NADK: variants seen among roughly 807,000 people sequenced by gnomAD.
NADK encodes poly(P)/ATP NAD kinase.
Under a neutral mutation model 49.8 loss-of-function variants are expected in NADK, and 22 were observed. That is an observed-to-expected ratio of 0.44 (90% CI 0.32 to 0.63). NADK has a LOEUF of 0.63. Ranked by LOEUF, NADK falls within the 30% of genes least tolerant of loss-of-function variation. The pLI is 0.06. For missense variants in NADK, 438 were observed against 609.4 expected, an observed-to-expected ratio of 0.72 and a Z score of 2.96; for synonymous variants, 268 against 253.7, an observed-to-expected ratio of 1.06 and a Z score of -0.54.
rs569799814 is a variant in NADK at position 1,760,077 on chromosome 1, C to T, written c.263+1875G>A. ...CTGTGCAGGGAAGGGATGGTGAGGC[C>T]GCGGCGAGTGGTCAGGAGTCCACAC... On this transcript the variant is annotated intron_variant, in intron 3 of 11. Transcript: ENST00000341426. 1.6e-3 allele frequency among the ~76,000 whole-genome samples: 237 copies of T among 152,272 alleles called. 1 individual carries two copies. The highest frequency in any genetic ancestry group is 2.8e-3 in the Non-Finnish European group (193 of 68,022).
intron 2 of NADK, among the ~76,000 whole-genome samples, chr1:1,764,847 G>A (rs914991541): frequency 1.3e-5 from 2 of 152,228 alleles, no homozygotes; most frequent in African/African-American, 2.4e-5. Flanking sequence ...GTTGCAGTGA[G>A]CCAAGATTGC....
chr1:1,754,002 C>G lies in NADK; in HGVS notation c.1101+49G>C. The G allele has an allele frequency of 6.5e-7, 1 of 1,528,240 alleles. No homozygotes were observed. The highest frequency in any genetic ancestry group is 8.8e-7 in the Non-Finnish European group (1 of 1,140,948). The allele number at this position is 1,528,240 out of a possible 1,614,324, so 94.7% of individuals were successfully genotyped here. ...TGCTAGGTCCCGGCTTTGTGTTGCA[C>G]GGGGTCAAATGACTCACAAACCGGA... On this transcript the variant is annotated intron_variant, in intron 10 of 11. Transcript: ENST00000341426. This position sits in a 1 kb window ranked among gnomAD's most constrained non-coding sequence, Gnocchi z 4.3.
intron 6 of NADK, 42 bp from the exon 7 acceptor site, chr1:1,755,518 A>AC: frequency 6.9e-7 from 1 of 1,455,576 alleles, no homozygotes; most frequent in Non-Finnish European, 9.6e-7. Context: ...CACGCCGTGC[A>AC]CCCCCGCACC....
chr1:1,767,177 G>C (rs1181965406), intron 1 of NADK, among the ~76,000 whole-genome samples: 2 of 151,842 alleles, frequency 1.3e-5, no homozygotes, highest in Non-Finnish European at 2.9e-5. Flanking sequence ...TCAGCATCCC[G>C]AAGTGCTGGG....
rs1352725227 is a variant in NADK at position 1,778,052 on chromosome 1, C to T, written c.-41+237G>A. ...CCCCACCTTCCCCGCCCGGGAGAGCCAGGCCGGACAGCGGCCTCCCTCAGA... is the reference window on the plus strand; with the variant it reads ...CCCCACCTTCCCCGCCCGGGAGAGCTAGGCCGGACAGCGGCCTCCCTCAGA... On this transcript the variant is annotated intron_variant, in intron 1 of 11. Transcript: ENST00000341426. This position sits in a 1 kb window ranked among gnomAD's most constrained non-coding sequence, Gnocchi z 4.9. Among the ~76,000 whole-genome samples the T allele has an allele frequency of 2.6e-5, 4 of 152,218 alleles. No homozygotes were observed. The highest frequency in any genetic ancestry group is 9.6e-5 in the African/African-American group (4 of 41,462).
At chr1:1,757,155 G>GCCCCCCTCCCCCCC in intron 4 of NADK, 26 bp downstream of exon 4, 1 of 1,299,248 alleles carries the variant, frequency 7.7e-7, no homozygotes, top group African/African-American at 1.5e-5. Flanking sequence ...TGCACCCCAG[G>GCCCCCCTCCCCCCC]CCCCCTTCCC....
Position 1,754,455 on chromosome 1 carries a change from C to T in NADK, c.844-72G>A. 6.2e-7 allele frequency: 1 copy of T among 1,606,974 alleles called. No homozygotes were observed. The highest frequency in any genetic ancestry group is 1.1e-5 in the South Asian group (1 of 90,710). On this transcript the variant is annotated intron_variant, in intron 8 of 11. Coordinates refer to ENST00000341426, the MANE Select transcript of NADK (RefSeq NM_023018.5). The surrounding 1 kb of genome is among the most constrained non-coding windows in gnomAD (Gnocchi z 4.3). ...GGCTCGCAGACACCCTCCGTCTCACCCAGCCGGGCTCTCCGGAAGGTCCTC... is the reference window on the plus strand; with the variant it reads ...GGCTCGCAGACACCCTCCGTCTCACTCAGCCGGGCTCTCCGGAAGGTCCTC...
chr1:1,754,025 G>T lies in NADK; in HGVS notation c.1101+26C>A. ...CACGGGGTCAAATGACTCACAAACC[G>T]GAAAAGGAGTGTCGTTGGCTCTGAC... On this transcript the variant is annotated intron_variant, in intron 10 of 11. Coordinates refer to ENST00000341426, the MANE Select transcript of NADK (RefSeq NM_023018.5). The surrounding 1 kb of genome is among the most constrained non-coding windows in gnomAD (Gnocchi z 4.3). 1 of 1,547,698 alleles carries T rather than the reference G, an allele frequency of 6.5e-7. No homozygotes were observed.
At position 1,754,467 on chromosome 1, in the gene NADK, T is replaced by C. The variant is rs935705002; in HGVS notation, c.843+77A>G. On this transcript the variant is annotated intron_variant, in intron 8 of 11. Transcript: ENST00000341426. This position sits in a 1 kb window ranked among gnomAD's most constrained non-coding sequence, Gnocchi z 4.3. ...CCCTCCGTCTCACCCAGCCGGGCTC[T>C]CCGGAAGGTCCTCATCCCTGGGACC... 1 of 1,604,300 alleles carries C rather than the reference T, an allele frequency of 6.2e-7. No homozygotes were observed. Among genetic ancestry groups the C allele is most frequent in the Non-Finnish European group, 8.5e-7 (1 of 1,173,592 alleles).
In NADK at chr1:1,754,729, A is replaced by G; in HGVS notation, c.689-31T>C. ...GTCCAGCAGGAGTCAGAGGGCATGC[A>G]TCAGGGAAGTCAGTGGGGTCAGGGG... On this transcript the variant is annotated intron_variant, in intron 7 of 11. Coordinates refer to ENST00000341426, the MANE Select transcript of NADK (RefSeq NM_023018.5). This position sits in a 1 kb window ranked among gnomAD's most constrained non-coding sequence, Gnocchi z 4.3. 6.3e-7 allele frequency: 1 copy of G among 1,587,596 alleles called. No individual in the cohort carries two copies.
rs763490238 is a variant in NADK, at chr1:1,754,213, CAG to C, written c.944-7_944-6del. ...TCGGGGTGGACACGATCACTCCTGACAGGGACAGGCGCAGGCGTCACTCCCGC... is the reference window on the plus strand; with the variant it reads ...TCGGGGTGGACACGATCACTCCTGACGGACAGGCGCAGGCGTCACTCCCGC... On this transcript the variant is annotated splice_region_variant and splice_polypyrimidine_tract_variant and intron_variant, in intron 9 of 11. Transcript: ENST00000341426. The surrounding 1 kb of genome is among the most constrained non-coding windows in gnomAD (Gnocchi z 4.3). 1.2e-6 allele frequency: 2 copies of C among 1,612,946 alleles called. No homozygotes were observed. Among genetic ancestry groups the C allele is most frequent in the Non-Finnish European group, 1.7e-6 (2 of 1,179,872 alleles).
chr1:1,758,301 G>A (rs1007264985), intron 3 of NADK: 20 of 1,528,234 alleles, frequency 1.3e-5, no homozygotes, highest in Non-Finnish European at 1.7e-5. Context: ...GACGCCGATG[G>A]CAGCCACAGG....
Position 1,752,703 on chromosome 1 carries a change from T to G in NADK, c.*201A>C. The G allele has an allele frequency of 3.3e-6, 2 of 612,816 alleles. No individual in the cohort carries two copies. Among genetic ancestry groups the G allele is most frequent in the Non-Finnish European group, 5.4e-6 (2 of 370,796 alleles). 38.0% of individuals were successfully genotyped at this position (612,816 alleles called of 1,614,324 possible). A position where few individuals can be genotyped will look rare whatever the true frequency, so the allele number is the denominator to read the frequency against. On this transcript the variant is annotated 3_prime_UTR_variant, in exon 12 of 12. Coordinates refer to ENST00000341426, the MANE Select transcript of NADK (RefSeq NM_023018.5). ...AGCACTCCCAGCCCATTTCTCACGCTTCTTTAGAAATGCAAAAAAAGTCAG... is the reference window on the plus strand; with the variant it reads ...AGCACTCCCAGCCCATTTCTCACGCGTCTTTAGAAATGCAAAAAAAGTCAG...
chr1:1,759,326 C>T (rs1645639429), intron 3 of NADK: 1 of 1,440,952 alleles, frequency 6.9e-7, no homozygotes, highest in Admixed American at 2.4e-5. Context: ...GTGAAGCTTG[C>T]AGGCACACAC....
intron 1 of NADK, among the ~76,000 whole-genome samples, chr1:1,766,789 G>T (rs1282412897): frequency 6.6e-6 from 1 of 151,176 alleles, no homozygotes; most frequent in Non-Finnish European, 1.5e-5. Context: ...TCCTTTGGTA[G>T]AGACAGGGTG....
chr1:1,754,982 C>A lies in NADK; in HGVS notation c.689-284G>T. ...AACTACGGGTGCGCACCACCACGCCCAGCTAATTTTTGTATTTTTAGTAGA... is the reference window on the plus strand; with the variant it reads ...AACTACGGGTGCGCACCACCACGCCAAGCTAATTTTTGTATTTTTAGTAGA... On this transcript the variant is annotated intron_variant, in intron 7 of 11. Coordinates refer to ENST00000341426, the MANE Select transcript of NADK (RefSeq NM_023018.5). This position sits in a 1 kb window ranked among gnomAD's most constrained non-coding sequence, Gnocchi z 4.3. 1 of 424,950 alleles carries A rather than the reference C, an allele frequency of 2.4e-6. No homozygotes were observed. Among genetic ancestry groups the A allele is most frequent in the East Asian group, 4.8e-5 (1 of 20,732 alleles). The allele number at this position is 424,950 out of a possible 1,614,324, so 26.3% of individuals were successfully genotyped here.
chr1:1,755,143 G>A (rs1309989433), intron 7 of NADK, among the ~76,000 whole-genome samples: 1 of 151,430 alleles, frequency 6.6e-6, no homozygotes, highest in Non-Finnish European at 1.5e-5. Context: ...TTCTGAGAGT[G>A]AGAATCAGCT....
rs536617956 is a variant in NADK, at chr1:1,761,623, G to A, written c.263+329C>T. The A allele has an allele frequency of 1.2e-4, 30 of 260,238 alleles. 1 individual carries two copies. The highest frequency in any genetic ancestry group is 6.7e-4 in the Admixed American group (15 of 22,524). The allele number at this position is 260,238 out of a possible 1,614,324, so 16.1% of individuals were successfully genotyped here. On this transcript the variant is annotated intron_variant, in intron 3 of 11. Transcript: ENST00000341426. Reference sequence around the variant, plus strand: ...GCCCTGAGGATCTCATGTGGAAGCCGCCACACCCACGGGCTGTGACCCGGT... The same window carrying A: ...GCCCTGAGGATCTCATGTGGAAGCCACCACACCCACGGGCTGTGACCCGGT...
At position 1,763,810 on chromosome 1, in the gene NADK, C is replaced by T. The variant is rs147991885; in HGVS notation, c.179+1418G>A. ...CCTCCCCCACCTCACCCTGAAGGCG[C>T]CTGTCACTCACTATGGAGGCGACCT... On this transcript the variant is annotated intron_variant, in intron 2 of 11. Transcript: ENST00000341426. Among the ~76,000 whole-genome samples the T allele has an allele frequency of 3.4e-3, 523 of 152,224 alleles. 2 individuals carry two copies. Among genetic ancestry groups the T allele is most frequent in the African/African-American group, 0.012 (498 of 41,536 alleles).
Sources: gnomAD v4.1 joint callset for allele counts (sites outside exome capture counted in the v4.1 genomes callset) on GRCh38, gnomAD v4.1.1 for gene constraint, Gnocchi (gnomAD v3.1) non-coding constraint, MANE v1.5 for transcripts, NCBI Gene and HGNC (gene_info 2026-07-23, HGNC 2026-07-21) for gene names.